The following FUT8 variants were observed in gnomAD, a reference collection of about 807,000 sequenced individuals.
FUT8 encodes the protein fucosyltransferase 8.
A neutral mutation model predicts 71.3 loss-of-function variants in FUT8; 29 were observed. The ratio of observed to expected loss-of-function variants is 0.41; its 90% confidence interval spans 0.30 to 0.55. FUT8 has a LOEUF of 0.55. FUT8 is among the 20% of genes least tolerant of loss of function. The pLI is 0.34. For missense variants in FUT8, 544 were observed against 702.1 expected, an observed-to-expected ratio of 0.77 and a Z score of 2.55; for synonymous variants, 254 against 239.3, an observed-to-expected ratio of 1.06 and a Z score of -0.57.
chr14:65,647,189 T>TAA (rs1566873232), intron 6 of FUT8, among the ~76,000 whole-genome samples: 2 of 152,214 alleles, frequency 1.3e-5, no homozygotes, highest in African/African-American at 4.8e-5. Flanking sequence ...TGATAGATGA[T>TAA]AAAATACCCA....
chr14:65,405,197 T>TA, the FUT8 span, among the ~76,000 whole-genome samples: 2 of 152,150 alleles, frequency 1.3e-5, no homozygotes, highest in Admixed American at 1.3e-4. Flanking sequence ...ATGATTTTTT[T>TA]AAAAAATGTA....
upstream of FUT8, chr14:65,411,961 C>A (rs1281000289): frequency 8.8e-6 from 4 of 452,764 alleles, no homozygotes; most frequent in Non-Finnish European, 1.8e-5. Flanking sequence ...TGCTCTGCAT[C>A]GCGGGCGCCG....
At chr14:65,506,439 T>C (rs748402104) in intron 2 of FUT8, among the ~76,000 whole-genome samples, 3 of 152,226 alleles carry the variant, frequency 2.0e-5, no homozygotes, top group East Asian at 1.9e-4. Context: ...ATGTTGGGGA[T>C]TGGCATCCAT....
intron 9 of FUT8, among the ~76,000 whole-genome samples, chr14:65,732,400 G>T (rs762561062): frequency 6.6e-6 from 1 of 152,176 alleles, no homozygotes; most frequent in African/African-American, 2.4e-5. Flanking sequence ...ATAAGTCATG[G>T]TCCTAACCTT....
chr14:65,683,924 C>T (rs58621349), intron 7 of FUT8, among the ~76,000 whole-genome samples: 3,814 of 151,788 alleles, frequency 0.025, 149 homozygotes, highest in African/African-American at 0.087. Flanking sequence ...TGTATGTGGG[C>T]AAATCACTGT....
chr14:65,405,189 G>C, the FUT8 span, among the ~76,000 whole-genome samples: 1 of 152,142 alleles, frequency 6.6e-6, no homozygotes, highest in Non-Finnish European at 1.5e-5. Flanking sequence ...TCATTTTCAT[G>C]ATTTTTTTAA....
chr14:65,424,563 A>T, intron 1 of FUT8, among the ~76,000 whole-genome samples: 1 of 137,778 alleles, frequency 7.3e-6, no homozygotes, highest in Non-Finnish European at 1.5e-5. Context: ...TTTTTGATGA[A>T]GTCTCATTCT....
At chr14:65,580,592 A>T (rs1887039244) in intron 3 of FUT8, among the ~76,000 whole-genome samples, 1 of 152,030 alleles carries the variant, frequency 6.6e-6, no homozygotes, top group Non-Finnish European at 1.5e-5. Context: ...ATCACTCATT[A>T]TTATTTGATT....
In FUT8 at chr14:65,743,258, T is replaced by C. The variant is rs931784144; in HGVS notation, c.*848T>C. 1 of 152,026 alleles carries C rather than the reference T, an allele frequency of 6.6e-6. No homozygotes were observed. Among genetic ancestry groups the C allele is most frequent in the African/African-American group, 2.4e-5 (1 of 41,420 alleles). The allele number at this position is 152,026 out of a possible 1,614,324, so 9.4% of individuals were successfully genotyped here. On this transcript the variant is annotated 3_prime_UTR_variant, in exon 11 of 11. Coordinates refer to ENST00000673929, the MANE Select transcript of FUT8 (RefSeq NM_001371533.1). Reference sequence around the variant, plus strand: ...TTTTTCAGCTTATTTACTTTGTTTTTTTTCCTGTTTCTGATATAGTAACTA... The same window carrying C: ...TTTTTCAGCTTATTTACTTTGTTTTCTTTCCTGTTTCTGATATAGTAACTA...
At chr14:65,729,937 G>C (rs1207885349) in intron 9 of FUT8, among the ~76,000 whole-genome samples, 1 of 150,906 alleles carries the variant, frequency 6.6e-6, no homozygotes, top group South Asian at 2.1e-4. Flanking sequence ...TTTTATTTTC[G>C]ACTTGAGTCG....
Position 65,742,532 on chromosome 14 carries a change from C to T in FUT8, c.*122C>T. On this transcript the variant is annotated 3_prime_UTR_variant, in exon 11 of 11. Coordinates refer to ENST00000673929, the MANE Select transcript of FUT8 (RefSeq NM_001371533.1). The stretch of plus-strand genomic sequence containing the variant: ...CAAAATAAGGTTATATGAGTAGATA[C>T]TCTCAGCACCAAGAGCAGCTGGGAA... 5.1e-6 allele frequency: 4 copies of T among 777,772 alleles called. No homozygotes were observed. Among genetic ancestry groups the T allele is most frequent in the Non-Finnish European group, 8.1e-6 (4 of 494,286 alleles). The allele number at this position is 777,772 out of a possible 1,614,324, so 48.2% of individuals were successfully genotyped here. A position where few individuals can be genotyped will look rare whatever the true frequency, so the allele number is the denominator to read the frequency against.
chr14:65,361,863 C>T, the FUT8 span, among the ~76,000 whole-genome samples: 1 of 152,094 alleles, frequency 6.6e-6, no homozygotes, highest in Non-Finnish European at 1.5e-5. Flanking sequence ...CTCCTCTCCC[C>T]AAGAATCCAC....
At chr14:65,506,363 A>C (rs968493086) in intron 2 of FUT8, among the ~76,000 whole-genome samples, 11 of 152,236 alleles carry the variant, frequency 7.2e-5, no homozygotes, top group Admixed American at 3.9e-4. Context: ...AAAGAACACT[A>C]TACAGTGGAC....
upstream of FUT8, among the ~76,000 whole-genome samples, chr14:65,406,377 T>C (rs986254002): frequency 2.0e-5 from 3 of 152,252 alleles, no homozygotes; most frequent in Admixed American, 6.5e-5. Flanking sequence ...TTAATGTGCA[T>C]AGAGGCCAAT....
chr14:65,679,457 A>C (rs1892931129), intron 7 of FUT8, among the ~76,000 whole-genome samples: 1 of 152,194 alleles, frequency 6.6e-6, no homozygotes, highest in African/African-American at 2.4e-5. Context: ...GGGAAGATTA[A>C]TATTTTATGG....
intron 2 of FUT8, among the ~76,000 whole-genome samples, chr14:65,539,055 A>C (rs901617723): frequency 6.6e-6 from 1 of 152,232 alleles, no homozygotes; most frequent in African/African-American, 2.4e-5. Context: ...TTAATTATTC[A>C]AGATCTTTTA....
intron 2 of FUT8, among the ~76,000 whole-genome samples, chr14:65,551,592 A>G (rs117932770): frequency 0.02 from 3,026 of 152,272 alleles, 42 homozygotes; most frequent in Non-Finnish European, 0.029. Context: ...GAGTGGGAGA[A>G]AACTGTTGCA....
intron 1 of FUT8, among the ~76,000 whole-genome samples, chr14:65,421,235 A>G (rs1329823207): frequency 6.6e-6 from 1 of 150,994 alleles, no homozygotes; most frequent in Non-Finnish European, 1.5e-5. Context: ...AAGAGAGAAT[A>G]TATTTACTCT....
chr14:65,498,160 T>G (rs1566785697), intron 2 of FUT8, among the ~76,000 whole-genome samples: 1 of 152,188 alleles, frequency 6.6e-6, no homozygotes, highest in Non-Finnish European at 1.5e-5. Context: ...GAGTTTTATC[T>G]TTGCCTTCCT....
Sources: allele counts gnomAD v4.1 joint callset (sites outside exome capture counted in the v4.1 genomes callset), GRCh38; gene constraint gnomAD v4.1.1; transcripts MANE v1.5; gene names NCBI Gene and HGNC (gene_info 2026-07-23, HGNC 2026-07-21).